The following MACROD2 variants were observed in gnomAD, a reference collection of about 807,000 sequenced individuals.
The protein encoded by MACROD2 is ADP-ribose glycohydrolase MACROD2.
A neutral mutation model predicts 70.4 loss-of-function variants in MACROD2; 36 were observed. That is an observed-to-expected ratio of 0.51 (90% confidence interval 0.39 to 0.68). MACROD2 has a LOEUF of 0.68. MACROD2 is among the 30% of genes least tolerant of loss of function. The probability of loss-of-function intolerance (pLI) is 0.00; values close to 1 mark genes in which losing one functional copy is unlikely to be tolerated. For synonymous variants in MACROD2, 172 were observed against 178.8 expected, an observed-to-expected ratio of 0.96 and a Z score of 0.30; for missense variants, 496 against 538.4, an observed-to-expected ratio of 0.92 and a Z score of 0.78.
chr20:14,639,510 C>T (rs1232981927), intron 4 of MACROD2, among the ~76,000 whole-genome samples: 1 of 152,174 alleles, frequency 6.6e-6, no homozygotes, highest in Non-Finnish European at 1.5e-5. Flanking sequence ...CATCAGCTCT[C>T]CAATCCACCC....
chr20:14,639,368 CCAAT>C lies in MACROD2; in HGVS notation c.302-45471_302-45468del, dbSNP rs1171650793. 2.1e-5 allele frequency among the ~76,000 whole-genome samples: 3 copies of C among 141,354 alleles called. No individual in the cohort carries two copies. The East Asian group carries it at 6.4e-4, about 30-fold the overall frequency. The allele number at this position is 141,354 out of a possible 152,430, so 92.7% of individuals were successfully genotyped here. The stretch of plus-strand genomic sequence containing the variant: ...TCATTCCATTTCAATTTCATGTACT[CCAAT>C]CAACTTTGGTATGTTTTGAAATGTT... On this transcript the variant is annotated intron_variant, in intron 4 of 17. Transcript: ENST00000684519.
chr20:14,652,951 A>G (rs1985753947), intron 4 of MACROD2, among the ~76,000 whole-genome samples: 1 of 152,198 alleles, frequency 6.6e-6, no homozygotes, highest in Admixed American at 6.5e-5. Context: ...GGTGAGGACT[A>G]AGGTTTAGAG....
chr20:14,998,129 T>C (rs888362134), intron 5 of MACROD2, among the ~76,000 whole-genome samples: 1 of 152,194 alleles, frequency 6.6e-6, no homozygotes, highest in African/African-American at 2.4e-5. Flanking sequence ...GAAAGCCTTC[T>C]CAGAAAGGTC....
rs905415657 is a variant in MACROD2 at position 14,650,681 on chromosome 20, C to A, written c.302-34162C>A. ...CTTAATGGAGATTAGTTCCTTTTAT[C>A]CTTCTATACTGCTTCCCTACCAAAT... On this transcript the variant is annotated intron_variant, in intron 4 of 17. Coordinates refer to ENST00000684519, the MANE Select transcript of MACROD2 (RefSeq NM_001351661.2). 2.0e-5 allele frequency among the ~76,000 whole-genome samples: 3 copies of A among 152,150 alleles called. No individual in the cohort carries two copies. The South Asian group carries it at 6.2e-4, about 32-fold the overall frequency.
At chr20:14,375,679 A>G (rs551096059) in intron 3 of MACROD2, among the ~76,000 whole-genome samples, 10 of 152,294 alleles carry the variant, frequency 6.6e-5, no homozygotes, top group Admixed American at 2.0e-4. Flanking sequence ...GTGAGTTTCA[A>G]ATGACAAGCT....
At chr20:14,944,861 G>A (rs2074417764) in intron 5 of MACROD2, among the ~76,000 whole-genome samples, 1 of 151,986 alleles carries the variant, frequency 6.6e-6, no homozygotes, top group Admixed American at 6.6e-5. Flanking sequence ...TCACCCTTCT[G>A]CCTGCCCGTC....
intron 3 of MACROD2, among the ~76,000 whole-genome samples, chr20:14,431,819 C>T (rs922752889): frequency 1.3e-5 from 2 of 152,108 alleles, no homozygotes; most frequent in Non-Finnish European, 2.9e-5. Context: ...GAAAATAATT[C>T]GGCCTTCTTA....
intron 5 of MACROD2, among the ~76,000 whole-genome samples, chr20:15,166,933 AGT>A (rs2076389398): frequency 1.3e-5 from 2 of 148,630 alleles, no homozygotes; most frequent in Non-Finnish European, 3.0e-5. Context: ...ATTAAATTTA[AGT>A]ATTTAATTTA....
intron 8 of MACROD2, among the ~76,000 whole-genome samples, chr20:15,771,577 CTG>C (rs2051628116): frequency 7.3e-6 from 1 of 137,082 alleles, no homozygotes; most frequent in Non-Finnish European, 1.7e-5. Context: ...AGCTTACTTT[CTG>C]TCTGTCTGTA....
At chr20:14,954,264 A>C (rs966757573) in intron 5 of MACROD2, among the ~76,000 whole-genome samples, 1 of 151,692 alleles carries the variant, frequency 6.6e-6, no homozygotes, top group Non-Finnish European at 1.5e-5. Context: ...TAAATGCTAA[A>C]TCTGGCCATC....
chr20:15,809,861 C>CTTTTTT (rs56350068), intron 8 of MACROD2, among the ~76,000 whole-genome samples: 4 of 142,010 alleles, frequency 2.8e-5, no homozygotes, highest in African/African-American at 1.0e-4. Context: ...GCCACCCTAT[C>CTTTTTT]TTTTTTTTTT....
At chr20:16,028,697 A>G (rs2067113613) in intron 15 of MACROD2, among the ~76,000 whole-genome samples, 1 of 152,158 alleles carries the variant, frequency 6.6e-6, no homozygotes, top group Non-Finnish European at 1.5e-5. Context: ...ATTTTCCACA[A>G]GTATGTTCCT....
chr20:15,529,116 C>A (rs1432884444), intron 8 of MACROD2, among the ~76,000 whole-genome samples: 1 of 152,176 alleles, frequency 6.6e-6, no homozygotes, highest in Non-Finnish European at 1.5e-5. Context: ...CAGATTCAGG[C>A]TCCTCCACCT....
chr20:14,104,428 C>T (rs921865258), intron 3 of MACROD2, among the ~76,000 whole-genome samples: 1 of 152,164 alleles, frequency 6.6e-6, no homozygotes, highest in Non-Finnish European at 1.5e-5. Context: ...TGCTTCTCCT[C>T]CTGAAATTTA....
intron 8 of MACROD2, among the ~76,000 whole-genome samples, chr20:15,827,267 A>G (rs1034808989): frequency 1.3e-5 from 2 of 152,208 alleles, no homozygotes; most frequent in Admixed American, 6.5e-5. Context: ...TTTATACCCA[A>G]TTCAAGAGGA....
At chr20:15,882,433 A>G (rs1306118325) in intron 9 of MACROD2, among the ~76,000 whole-genome samples, 1 of 152,058 alleles carries the variant, frequency 6.6e-6, no homozygotes, top group Non-Finnish European at 1.5e-5. Context: ...CTTGTGAAAA[A>G]CATCTGTCCA....
At chr20:15,928,245 C>A (rs774206660) in intron 10 of MACROD2, among the ~76,000 whole-genome samples, 12 of 152,270 alleles carry the variant, frequency 7.9e-5, no homozygotes, top group Non-Finnish European at 1.2e-4. Flanking sequence ...AAAAAAAGTT[C>A]TTGTCCTGTT....
At position 14,911,881 on chromosome 20, in the gene MACROD2, C is replaced by T. The variant is rs544568122; in HGVS notation, c.418+226922C>T. Among the ~76,000 whole-genome samples the T allele has an allele frequency of 3.3e-5, 5 of 152,184 alleles. No individual in the cohort carries two copies. In the East Asian group the frequency reaches 9.7e-4, roughly 29 times the overall value. ...TGGGGAAACTGAGGCATGACGAAGTCTAATTTTTCTGAAATTACATTGCAA... is the reference window on the plus strand; with the variant it reads ...TGGGGAAACTGAGGCATGACGAAGTTTAATTTTTCTGAAATTACATTGCAA... On this transcript the variant is annotated intron_variant, in intron 5 of 17. Coordinates refer to ENST00000684519, the MANE Select transcript of MACROD2 (RefSeq NM_001351661.2).
intron 4 of MACROD2, among the ~76,000 whole-genome samples, chr20:14,642,961 G>T (rs537717382): frequency 6.6e-6 from 1 of 151,840 alleles, no homozygotes; most frequent in Non-Finnish European, 1.5e-5. Flanking sequence ...TGCAGTATCC[G>T]TGGAGCACAG....
Sources: allele counts gnomAD v4.1 joint callset (sites outside exome capture counted in the v4.1 genomes callset), GRCh38; gene constraint gnomAD v4.1.1; transcripts MANE v1.5; gene names NCBI Gene and HGNC (gene_info 2026-07-23, HGNC 2026-07-21).